BABAM2: variants seen among roughly 807,000 people sequenced by gnomAD.
BABAM2 encodes BRISC and BRCA1 A complex member 2.
BABAM2 carries 31 observed loss-of-function variants against 54.7 expected under a neutral mutation model. The observed-to-expected ratio is 0.57, with a 90% confidence interval of 0.43 to 0.77. BABAM2 has a LOEUF of 0.77. Ranked by LOEUF, BABAM2 falls within the 30% of genes least tolerant of loss-of-function variation. The pLI is 0.00. For missense variants in BABAM2, 364 were observed against 455.8 expected, an observed-to-expected ratio of 0.80 and a Z score of 1.83; for synonymous variants, 167 against 162.9, an observed-to-expected ratio of 1.03 and a Z score of -0.19.
intron 10 of BABAM2, among the ~76,000 whole-genome samples, chr2:28,278,870 G>C (rs1218351248): frequency 1.3e-5 from 2 of 152,188 alleles, no homozygotes; most frequent in Non-Finnish European, 2.9e-5. Flanking sequence ...AGCATGAAAA[G>C]CATTTGCTTC....
intron 7 of BABAM2, among the ~76,000 whole-genome samples, chr2:28,228,225 A>G (rs889856974): frequency 1.3e-5 from 2 of 152,182 alleles, no homozygotes; most frequent in East Asian, 1.9e-4. Context: ...AGTGATGTGC[A>G]CGTGAAGTTA....
chr2:28,335,256 G>A (rs1490936754), intron 11 of BABAM2, among the ~76,000 whole-genome samples: 1 of 135,454 alleles, frequency 7.4e-6, no homozygotes, highest in Non-Finnish European at 1.5e-5. Context: ...TGCAACCTCC[G>A]CCTCCCGGGT....
At chr2:28,332,324 G>A (rs572262191) in intron 11 of BABAM2, among the ~76,000 whole-genome samples, 3 of 152,272 alleles carry the variant, frequency 2.0e-5, no homozygotes, top group African/African-American at 7.2e-5. Context: ...AAAAAGAGGT[G>A]CTAGTGTCTG....
At chr2:28,141,163 G>A (rs1291209839) in intron 7 of BABAM2, among the ~76,000 whole-genome samples, 1 of 151,942 alleles carries the variant, frequency 6.6e-6, no homozygotes, top group Non-Finnish European at 1.5e-5. Flanking sequence ...TGGATTTTGG[G>A]GGCATAAATA....
chr2:28,014,000 T>C (rs1286187615), intron 4 of BABAM2, among the ~76,000 whole-genome samples: 1 of 152,152 alleles, frequency 6.6e-6, no homozygotes, highest in Non-Finnish European at 1.5e-5. Context: ...ACTAATTTGA[T>C]AATTTGTGGC....
chr2:28,048,842 C>T (rs868151514), intron 6 of BABAM2, among the ~76,000 whole-genome samples: 3 of 152,178 alleles, frequency 2.0e-5, no homozygotes, highest in African/African-American at 7.2e-5. Flanking sequence ...TTTCTCTTAA[C>T]GAACAGCTAG....
chr2:28,022,391 GTTAT>G (rs1675337249), intron 4 of BABAM2, among the ~76,000 whole-genome samples: 1 of 152,236 alleles, frequency 6.6e-6, no homozygotes, highest in South Asian at 2.1e-4. Flanking sequence ...AATGTGAGCA[GTTAT>G]TTAATCTCTC....
chr2:28,223,412 G>GC (rs1680588302), intron 7 of BABAM2, among the ~76,000 whole-genome samples: 1 of 152,196 alleles, frequency 6.6e-6, no homozygotes, highest in African/African-American at 2.4e-5. Context: ...CCAGGGCCAG[G>GC]CACCCGGGCT....
At chr2:27,921,925 G>C (rs904892429) in intron 2 of BABAM2, among the ~76,000 whole-genome samples, 1 of 151,952 alleles carries the variant, frequency 6.6e-6, no homozygotes, top group Non-Finnish European at 1.5e-5. Flanking sequence ...TTTTTTTCTT[G>C]TTGTTGTTTT....
At chr2:27,904,051 A>T (rs1398059658) in intron 2 of BABAM2, among the ~76,000 whole-genome samples, 1 of 152,218 alleles carries the variant, frequency 6.6e-6, no homozygotes, top group Admixed American at 6.5e-5. Context: ...GATCACCAAG[A>T]CAGCGACTAA....
chr2:27,906,946 GT>G (rs543030004), intron 2 of BABAM2, among the ~76,000 whole-genome samples: 6 of 151,914 alleles, frequency 3.9e-5, no homozygotes, highest in African/African-American at 1.5e-4. Flanking sequence ...ACAGGTGAGG[GT>G]TTTTTTTAGT....
chr2:28,301,083 T>C (rs909543020), intron 11 of BABAM2, among the ~76,000 whole-genome samples: 5 of 152,208 alleles, frequency 3.3e-5, no homozygotes, highest in African/African-American at 1.2e-4. Flanking sequence ...GAGGGTCAAC[T>C]GTAGCATTCC....
chr2:27,994,566 A>G (rs542457239), intron 4 of BABAM2, among the ~76,000 whole-genome samples: 5 of 152,344 alleles, frequency 3.3e-5, no homozygotes, highest in African/African-American at 1.2e-4. Context: ...AAATGAAATC[A>G]AACTATGTGC....
At chr2:27,931,782 A>C (rs1015544141) in intron 3 of BABAM2, among the ~76,000 whole-genome samples, 1 of 152,178 alleles carries the variant, frequency 6.6e-6, no homozygotes, top group Non-Finnish European at 1.5e-5. Flanking sequence ...CTTTAGTTTT[A>C]CATTAACCAT....
chr2:28,272,293 G>C (rs1288157786), intron 10 of BABAM2, among the ~76,000 whole-genome samples: 2 of 152,144 alleles, frequency 1.3e-5, no homozygotes, highest in Non-Finnish European at 2.9e-5. Context: ...CAAGTTTTTT[G>C]TTTTAGGTTT....
At chr2:27,983,942 C>CTTTTGTTTTTTTTTTTT (rs1672198377) in intron 3 of BABAM2, among the ~76,000 whole-genome samples, 1 of 31,138 alleles carries the variant, frequency 3.2e-5, no homozygotes, top group African/African-American at 1.4e-4. Context: ...CATTTTGTAC[C>CTTTTGTTTTTTTTTTTT]TTTTTTTTTT....
chr2:28,056,646 C>T (rs1028311805), intron 6 of BABAM2, among the ~76,000 whole-genome samples: 8 of 152,058 alleles, frequency 5.3e-5, no homozygotes, highest in Non-Finnish European at 4.4e-5. Context: ...TGAATTAGTT[C>T]GTTCACAATT....
chr2:28,019,875 C>T lies in BABAM2; in HGVS notation c.301-5351C>T, dbSNP rs185411247. Among the ~76,000 whole-genome samples the T allele has an allele frequency of 1.8e-4, 28 of 152,262 alleles. No homozygotes were observed. In the East Asian group the frequency reaches 3.5e-3, roughly 19 times the overall value. ...TATGTGCCTATTTTTATACCAGTAA[C>T]GTGCTGTTTTGGTGACTATGGCCTT... On this transcript the variant is annotated intron_variant, in intron 4 of 11. Coordinates refer to ENST00000379624, the MANE Select transcript of BABAM2 (RefSeq NM_199191.3).
At chr2:28,020,562 A>T (rs1675170611) in intron 4 of BABAM2, among the ~76,000 whole-genome samples, 1 of 152,152 alleles carries the variant, frequency 6.6e-6, no homozygotes, top group Non-Finnish European at 1.5e-5. Flanking sequence ...GGGGATGGGG[A>T]TAGCCAAGTT....
Sources: gnomAD v4.1 joint callset for allele counts (sites outside exome capture counted in the v4.1 genomes callset) on GRCh38, gnomAD v4.1.1 for gene constraint, MANE v1.5 for transcripts, NCBI Gene and HGNC (gene_info 2026-07-23, HGNC 2026-07-21) for gene names.